Variants in KCNK3 observed in about 807,000 individuals in gnomAD.
KCNK3 encodes potassium two pore domain channel subfamily K member 3, also known as potassium channel subfamily K member 3.
KCNK3 carries 9 observed loss-of-function variants against 27.3 expected under a neutral mutation model. That is an observed-to-expected ratio of 0.33 (90% CI 0.20 to 0.57). The LOEUF is 0.57. Among genes scored for constraint, KCNK3 ranks in the 20% least tolerant of loss-of-function variants. KCNK3 has a pLI of 0.87. For synonymous variants in KCNK3, 278 were observed against 273.8 expected (o/e 1.02, Z -0.15); for missense variants, 391 against 577.7 (o/e 0.68, Z 3.31).
At chr2:26,705,611 A>G (rs1359675398) in intron 1 of KCNK3, among the ~76,000 whole-genome samples, 3 of 152,154 alleles carry the variant, frequency 2.0e-5, no homozygotes, top group Admixed American at 6.5e-5. Flanking sequence ...AAAATAGGTC[A>G]TTCCCGTAGT....
At chr2:26,696,280 G>A (rs760781647) in intron 1 of KCNK3, among the ~76,000 whole-genome samples, 1 of 152,244 alleles carries the variant, frequency 6.6e-6, no homozygotes. Flanking sequence ...ATGAAGGCGT[G>A]AAGGCTCAGG....
chr2:26,727,312 C>A (rs960351286), intron 1 of KCNK3, among the ~76,000 whole-genome samples: 1 of 152,184 alleles, frequency 6.6e-6, no homozygotes, highest in Admixed American at 6.5e-5. Flanking sequence ...TGCCTCTAGA[C>A]AAGTTCTCAG....
Position 26,692,849 on chromosome 2 carries a change from G to T in KCNK3, c.-27G>T. ...CCGAGGCGCGGGCCGGGGGCGCCGG[G>T]GGGCCGGCGGCGGCCCGGGCGGGAC... On this transcript the variant is annotated 5_prime_UTR_variant, in exon 1 of 2. Transcript: ENST00000302909. This position sits in a 1 kb window ranked among gnomAD's most constrained non-coding sequence, Gnocchi z 5.6. 8.3e-7 allele frequency: 1 copy of T among 1,201,964 alleles called. No homozygotes were observed. Among genetic ancestry groups the T allele is most frequent in the Non-Finnish European group, 1.0e-6 (1 of 967,696 alleles). The allele number at this position is 1,201,964 out of a possible 1,614,324, so 74.5% of individuals were successfully genotyped here.
At chr2:26,726,568 C>A (rs947691882) in intron 1 of KCNK3, among the ~76,000 whole-genome samples, 4 of 152,138 alleles carry the variant, frequency 2.6e-5, no homozygotes, top group Non-Finnish European at 5.9e-5. Context: ...CAGGCCAGCA[C>A]CAGTAAACAC....
At chr2:26,713,490 T>C (rs1012128636) in intron 1 of KCNK3, among the ~76,000 whole-genome samples, 24 of 152,144 alleles carry the variant, frequency 1.6e-4, no homozygotes, top group African/African-American at 5.5e-4. Flanking sequence ...CTTAGAAACA[T>C]GTATGTGGGC....
Position 26,730,063 on chromosome 2 carries a change from G to A in KCNK3, c.*1495G>A, listed in dbSNP as rs1663508292. On this transcript the variant is annotated 3_prime_UTR_variant, in exon 2 of 2. Transcript: ENST00000302909. The stretch of plus-strand genomic sequence containing the variant: ...TTCTTGGCCAGGAGGCAGCAGCTCT[G>A]AATGGGCCCCTGAGGCTGCACAGGG... 1 of 152,298 alleles carries A rather than the reference G, an allele frequency of 6.6e-6. No homozygotes were observed. Among genetic ancestry groups the A allele is most frequent in the Admixed American group, 6.5e-5 (1 of 15,276 alleles). The allele number at this position is 152,298 out of a possible 1,614,324, so 9.4% of individuals were successfully genotyped here.
rs995798095 is a variant in KCNK3, at chr2:26,692,890, C to G, written c.15C>G (p.Asn5Lys). ...CGGGCGGGACGATGAAGCGGCAGAA[C>G]GTGCGCACGCTGGCGCTCATCGTGT... MKRQNVRTLALIVCT... is the reference protein window; with the variant it reads MKRQKVRTLALIVCT... Residue 5 changes from asparagine to lysine, a missense_variant, in exon 1 of 2, where the codon AAC (asparagine) becomes AAG (lysine). Coordinates refer to ENST00000302909, the MANE Select transcript of KCNK3 (RefSeq NM_002246.3). The surrounding 1 kb of genome is among the most constrained non-coding windows in gnomAD (Gnocchi z 5.6). 2 of 1,406,750 alleles carry G rather than the reference C, an allele frequency of 1.4e-6. No individual in the cohort carries two copies. Among genetic ancestry groups the G allele is most frequent in the African/African-American group, 3.0e-5 (2 of 67,328 alleles). 87.1% of individuals were successfully genotyped at this position (1,406,750 alleles called of 1,614,324 possible). A position where few individuals can be genotyped will look rare whatever the true frequency, so the allele number is the denominator to read the frequency against.
chr2:26,711,567 G>A (rs1663109496), intron 1 of KCNK3, among the ~76,000 whole-genome samples: 1 of 152,152 alleles, frequency 6.6e-6, no homozygotes, highest in Non-Finnish European at 1.5e-5. Flanking sequence ...GTATGAGGGA[G>A]AACCTAGCTC....
At chr2:26,702,264 A>G (rs1485954081) in intron 1 of KCNK3, among the ~76,000 whole-genome samples, 1 of 152,176 alleles carries the variant, frequency 6.6e-6, no homozygotes, top group Non-Finnish European at 1.5e-5. Flanking sequence ...CCAGACACTC[A>G]CCCTGCTGCA....
intron 1 of KCNK3, among the ~76,000 whole-genome samples, chr2:26,706,559 C>A (rs989758169): frequency 1.3e-5 from 2 of 152,164 alleles, no homozygotes; most frequent in African/African-American, 4.8e-5. Flanking sequence ...TCCAGGGCTT[C>A]CTGGGGCTCT....
intron 1 of KCNK3, among the ~76,000 whole-genome samples, chr2:26,700,767 C>T (rs1378779782): frequency 1.3e-5 from 2 of 149,142 alleles, no homozygotes; most frequent in Non-Finnish European, 2.9e-5. Context: ...TCATCATCAC[C>T]ATCATCATCA....
At chr2:26,718,838 G>C (rs1006045599) in intron 1 of KCNK3, among the ~76,000 whole-genome samples, 12 of 152,142 alleles carry the variant, frequency 7.9e-5, no homozygotes, top group South Asian at 2.1e-4. Context: ...GGATTCCTGG[G>C]CTCAAGCGAT....
At position 26,730,814 on chromosome 2, in the gene KCNK3, G is replaced by C. The variant is rs1023229400; in HGVS notation, c.*2246G>C. The C allele has an allele frequency of 2.0e-5, 3 of 152,604 alleles. No homozygotes were observed. The highest frequency in any genetic ancestry group is 2.9e-5 in the Non-Finnish European group (2 of 68,378). The allele number at this position is 152,604 out of a possible 1,614,324, so 9.5% of individuals were successfully genotyped here. On this transcript the variant is annotated 3_prime_UTR_variant, in exon 2 of 2. Transcript: ENST00000302909. The stretch of plus-strand genomic sequence containing the variant: ...CTGTGTGTGACCCTGCCCTCGAAGG[G>C]TCCTGTCCTGTCAGTCCCGAGGGAG...
chr2:26,697,091 G>A (rs1670243485), intron 1 of KCNK3, among the ~76,000 whole-genome samples: 1 of 152,138 alleles, frequency 6.6e-6, no homozygotes, highest in African/African-American at 2.4e-5. Flanking sequence ...GGCTCTGAGG[G>A]TAGATGACTC....
intron 1 of KCNK3, among the ~76,000 whole-genome samples, chr2:26,703,059 T>G (rs1572603720): frequency 6.6e-6 from 1 of 152,122 alleles, no homozygotes; most frequent in Admixed American, 6.5e-5. Context: ...GAGGTTGCAG[T>G]GAGCCAAGAT....
chr2:26,720,466 A>G (rs556234911), intron 1 of KCNK3, among the ~76,000 whole-genome samples: 1 of 152,212 alleles, frequency 6.6e-6, no homozygotes, highest in South Asian at 2.1e-4. Flanking sequence ...GTCTGCAAAC[A>G]CTGACCTTGG....
chr2:26,709,760 G>T (rs1192214518), intron 1 of KCNK3, among the ~76,000 whole-genome samples: 3 of 152,198 alleles, frequency 2.0e-5, no homozygotes, highest in Non-Finnish European at 4.4e-5. Context: ...CCATGAGGGA[G>T]TTAGCCTTAT....
In KCNK3 at chr2:26,703,986, G is replaced by A. The variant is rs890949122; in HGVS notation, c.283+10828G>A. ...GAGTGGACAAGCACTGGAAGACAGA[G>A]GATAGGCCCGATCTGTGTGCCCCTG... On this transcript the variant is annotated intron_variant, in intron 1 of 1. Coordinates refer to ENST00000302909, the MANE Select transcript of KCNK3 (RefSeq NM_002246.3). Among the ~76,000 whole-genome samples, 4 of 152,276 alleles carry A rather than the reference G, an allele frequency of 2.6e-5. No homozygotes were observed. In the East Asian group the frequency reaches 5.8e-4, roughly 22 times the overall value.
Position 26,728,307 on chromosome 2 carries a change from C to A in KCNK3, c.924C>A (p.Ser308=). The change falls in exon 2 of 2, where the codon TCC becomes TCA. Residue 308 remains serine, a synonymous_variant. Coordinates refer to ENST00000302909, the MANE Select transcript of KCNK3 (RefSeq NM_002246.3). ...NVYAEVLHFQ[S]MCSCLWYKSR... ...ACGCGGAGGTGCTGCACTTCCAGTC[C>A]ATGTGCTCGTGCCTGTGGTACAAGA... The A allele has an allele frequency of 6.2e-7, 1 of 1,601,808 alleles. No homozygotes were observed. The highest frequency in any genetic ancestry group is 8.5e-7 in the Non-Finnish European group (1 of 1,174,428).
Sources: gnomAD v4.1 joint callset for allele counts (sites outside exome capture counted in the v4.1 genomes callset) on GRCh38, gnomAD v4.1.1 for gene constraint, Gnocchi (gnomAD v3.1) non-coding constraint, MANE v1.5 for transcripts, NCBI Gene and HGNC (gene_info 2026-07-23, HGNC 2026-07-21) for gene names.